The following C8orf34 variants were observed in gnomAD, a reference collection of about 807,000 sequenced individuals.
C8orf34 encodes the protein chromosome 8 open reading frame 34.
In C8orf34, 65 loss-of-function variants were observed where a neutral mutation model predicts 68.3. That is an observed-to-expected ratio of 0.95 (90% confidence interval 0.78 to 1.17). C8orf34 has a LOEUF of 1.17. Ranked by LOEUF, C8orf34 falls within the 50% of genes most tolerant of loss-of-function variation. C8orf34 has a pLI of 0.00. For synonymous variants in C8orf34, 244 were observed against 241.2 expected (o/e 1.01, Z -0.11); for missense variants, 664 against 655.4 (o/e 1.01, Z -0.14).
chr8:68,669,538 C>T (rs935347201), intron 8 of C8orf34, among the ~76,000 whole-genome samples: 1 of 152,126 alleles, frequency 6.6e-6, no homozygotes, highest in African/African-American at 2.4e-5. Flanking sequence ...GTATAAAAAT[C>T]CCATGAGGTG....
At chr8:68,465,947 A>G (rs568935703) in intron 3 of C8orf34, among the ~76,000 whole-genome samples, 68 of 148,584 alleles carry the variant, frequency 4.6e-4, no homozygotes, top group African/African-American at 1.7e-3. Flanking sequence ...AACTTAAAGT[A>G]TAATAAAATA....
At chr8:68,378,759 G>A (rs1390792331) in intron 1 of C8orf34, among the ~76,000 whole-genome samples, 1 of 152,186 alleles carries the variant, frequency 6.6e-6, no homozygotes, top group Non-Finnish European at 1.5e-5. Context: ...TTAGAATTGA[G>A]TTTCCTGTTA....
At chr8:68,507,729 T>C (rs903617829) in intron 5 of C8orf34, among the ~76,000 whole-genome samples, 1 of 152,232 alleles carries the variant, frequency 6.6e-6, no homozygotes, top group African/African-American at 2.4e-5. Context: ...GGGCTTTTTA[T>C]ATCTGAAACA....
At chr8:68,578,534 T>TAAG (rs1301908521) in intron 7 of C8orf34, among the ~76,000 whole-genome samples, 2 of 151,926 alleles carry the variant, frequency 1.3e-5, no homozygotes, top group African/African-American at 4.8e-5. Flanking sequence ...ATGGGTTTCT[T>TAAG]AAGAAGATTC....
chr8:68,580,527 C>T (rs569291866), intron 7 of C8orf34, among the ~76,000 whole-genome samples: 86 of 152,190 alleles, frequency 5.7e-4, no homozygotes, highest in African/African-American at 2.0e-3. Context: ...TGGCCCCTAT[C>T]AGGTTGATCC....
intron 8 of C8orf34, among the ~76,000 whole-genome samples, chr8:68,682,906 AG>A (rs1389215740): frequency 1.3e-5 from 2 of 152,090 alleles, no homozygotes; most frequent in Admixed American, 1.3e-4. Context: ...TTGAGTTTTT[AG>A]GAGGAAAAAA....
At chr8:68,502,332 A>G (rs1409630721) in intron 5 of C8orf34, among the ~76,000 whole-genome samples, 2 of 152,232 alleles carry the variant, frequency 1.3e-5, no homozygotes, top group Non-Finnish European at 2.9e-5. Flanking sequence ...AGCAAGGAAT[A>G]TACAAAAAGT....
intron 7 of C8orf34, among the ~76,000 whole-genome samples, chr8:68,635,827 A>G (rs1310397230): frequency 2.0e-5 from 3 of 151,846 alleles, no homozygotes; most frequent in African/African-American, 7.3e-5. Flanking sequence ...TCTTCTCTGC[A>G]GGCACAGGGG....
chr8:68,500,630 A>G (rs1002072112), intron 5 of C8orf34, among the ~76,000 whole-genome samples: 1 of 152,142 alleles, frequency 6.6e-6, no homozygotes, highest in Non-Finnish European at 1.5e-5. Flanking sequence ...CCTCACCCAC[A>G]CACATCCACA....
chr8:68,611,316 T>A (rs1429241777), intron 7 of C8orf34, among the ~76,000 whole-genome samples: 2 of 152,188 alleles, frequency 1.3e-5, no homozygotes, highest in African/African-American at 4.8e-5. Context: ...TAGGACTGAC[T>A]GCTATATTTG....
intron 8 of C8orf34, among the ~76,000 whole-genome samples, chr8:68,703,357 C>G (rs549397999): frequency 6.6e-6 from 1 of 152,140 alleles, no homozygotes; most frequent in Non-Finnish European, 1.5e-5. Context: ...AAAATCAAAT[C>G]TCAGTCAGTT....
chr8:68,603,088 T>A (rs1817746043), intron 7 of C8orf34, among the ~76,000 whole-genome samples: 1 of 152,098 alleles, frequency 6.6e-6, no homozygotes, highest in African/African-American at 2.4e-5. Flanking sequence ...GTCCATTCTC[T>A]TCTGTTCATC....
chr8:68,735,430 T>C (rs1368185154), intron 10 of C8orf34, among the ~76,000 whole-genome samples: 1 of 152,258 alleles, frequency 6.6e-6, no homozygotes, highest in Non-Finnish European at 1.5e-5. Flanking sequence ...TTGTCTTTTC[T>C]AGTAAGCATT....
rs1355407945 is a variant in C8orf34, at chr8:68,545,698, T to G, written c.1105+12549T>G. The stretch of plus-strand genomic sequence containing the variant: ...AAGCAAAAGCTGAGAGAACATGTTA[T>G]CAGCAGACCTGCATTATAAGAACTG... On this transcript the variant is annotated intron_variant, in intron 7 of 13. Transcript: ENST00000518698. Among the ~76,000 whole-genome samples, 11 of 152,244 alleles carry G rather than the reference T, an allele frequency of 7.2e-5. No homozygotes were observed. The East Asian group carries it at 2.1e-3, about 29-fold the overall frequency.
chr8:68,638,307 CT>C (rs146220027), intron 7 of C8orf34, among the ~76,000 whole-genome samples: 3,740 of 139,302 alleles, frequency 0.027, 145 homozygotes, highest in African/African-American at 0.089. Flanking sequence ...AAAGCTAGAA[CT>C]TTTTTTTTTC....
At chr8:68,714,314 G>A (rs1253578010) in intron 9 of C8orf34, among the ~76,000 whole-genome samples, 1 of 151,816 alleles carries the variant, frequency 6.6e-6, no homozygotes, top group Non-Finnish European at 1.5e-5. Context: ...ACGGAGTAAA[G>A]GGCATCCAGA....
chr8:68,705,803 A>T (rs556072847), intron 8 of C8orf34, among the ~76,000 whole-genome samples: 1 of 152,116 alleles, frequency 6.6e-6, no homozygotes, highest in Non-Finnish European at 1.5e-5. Flanking sequence ...GGAAAAAAAA[A>T]CAGAAAAAAT....
At chr8:68,490,570 C>G (rs910448136) in intron 5 of C8orf34, among the ~76,000 whole-genome samples, 3 of 152,144 alleles carry the variant, frequency 2.0e-5, no homozygotes, top group Non-Finnish European at 4.4e-5. Flanking sequence ...TTTTCATTTA[C>G]TTACCTAATA....
At chr8:68,775,374 C>T (rs1473549331) in intron 10 of C8orf34, among the ~76,000 whole-genome samples, 5 of 152,094 alleles carry the variant, frequency 3.3e-5, no homozygotes, top group Admixed American at 1.3e-4. Context: ...AAATGTCTCT[C>T]GTCATGGAGT....
Sources: gnomAD v4.1 joint callset for allele counts (sites outside exome capture counted in the v4.1 genomes callset) on GRCh38, gnomAD v4.1.1 for gene constraint, MANE v1.5 for transcripts, NCBI Gene and HGNC (gene_info 2026-07-23, HGNC 2026-07-21) for gene names.